NHSL2: variants seen among roughly 807,000 people sequenced by gnomAD.
NHSL2 encodes NHS like 2.
A neutral mutation model predicts 53.4 loss-of-function variants in NHSL2; 27 were observed. That is an observed-to-expected ratio of 0.51 (90% CI 0.37 to 0.70). The LOEUF (loss-of-function observed/expected upper bound fraction) is 0.70. NHSL2 is among the 30% of genes least tolerant of loss of function. The probability of loss-of-function intolerance (pLI) is 0.00; values close to 1 mark genes in which losing one functional copy is unlikely to be tolerated. For missense variants in NHSL2, 892 were observed against 980.1 expected, an observed-to-expected ratio of 0.91 and a Z score of 1.20; for synonymous variants, 408 against 404.1, an observed-to-expected ratio of 1.01 and a Z score of -0.12.
At chrX:71,976,377 G>A (rs2041948268) in intron 1 of NHSL2, among the ~76,000 whole-genome samples, 1 of 111,773 alleles carries the variant, frequency 8.9e-6, no homozygotes, top group South Asian at 3.7e-4. Flanking sequence ...TAGTAAGCCT[G>A]TTGTGAGGAC....
intron 1 of NHSL2, among the ~76,000 whole-genome samples, chrX:72,117,821 TA>T (rs1277006547): frequency 1.1e-4 from 11 of 102,424 alleles, no homozygotes; most frequent in African/African-American, 3.9e-4. Flanking sequence ...ACCACATTTT[TA>T]TTTATTTATT....
intron 1 of NHSL2, among the ~76,000 whole-genome samples, chrX:71,954,494 C>T (rs1232811465): frequency 8.9e-6 from 1 of 112,367 alleles, no homozygotes; most frequent in Admixed American, 9.4e-5. Flanking sequence ...CAACAATGAG[C>T]TCAAGGGGAA....
At chrX:72,086,238 A>T (rs1394568915) in intron 1 of NHSL2, among the ~76,000 whole-genome samples, 1 of 112,439 alleles carries the variant, frequency 8.9e-6, no homozygotes, top group African/African-American at 3.2e-5. Flanking sequence ...GACCCTAATT[A>T]AAAATTTCCT....
chrX:72,131,003 G>A (rs1218947293), intron 1 of NHSL2: 1 of 1,211,232 alleles, frequency 8.3e-7, no homozygotes, highest in Admixed American at 2.2e-5. Flanking sequence ...CCGGGGAAAT[G>A]AACCTCATGG....
chrX:71,936,649 G>A (rs2041739931), intron 1 of NHSL2, among the ~76,000 whole-genome samples: 1 of 112,333 alleles, frequency 8.9e-6, no homozygotes, highest in Non-Finnish European at 1.9e-5. Flanking sequence ...AAACAAAACA[G>A]AAACTTTAAA....
intron 1 of NHSL2, among the ~76,000 whole-genome samples, chrX:71,999,280 T>C: frequency 8.9e-6 from 1 of 112,523 alleles, no homozygotes; most frequent in Admixed American, 9.4e-5. Flanking sequence ...TGTGTTTTGG[T>C]CATCTCTATA....
At chrX:72,107,452 T>C (rs1355779049) in intron 1 of NHSL2, among the ~76,000 whole-genome samples, 1 of 111,865 alleles carries the variant, frequency 8.9e-6, no homozygotes, top group African/African-American at 3.3e-5. Context: ...CCATTTAGCC[T>C]GCTTCTCTCT....
intron 1 of NHSL2, among the ~76,000 whole-genome samples, chrX:72,089,857 C>CA (rs202226560): frequency 8.6e-4 from 90 of 105,144 alleles, no homozygotes; most frequent in African/African-American, 2.6e-3. Context: ...ACTTATTGTA[C>CA]AAAAAAAAAA....
intron 1 of NHSL2, among the ~76,000 whole-genome samples, chrX:71,976,557 C>A (rs1341825076): frequency 1.8e-5 from 2 of 111,787 alleles, no homozygotes; most frequent in Non-Finnish European, 3.8e-5. Flanking sequence ...CCACACTAGG[C>A]TCCTGTCTTA....
Position 72,152,267 on chromosome X carries a change from G to C in NHSL2, c.*8693G>C, listed in dbSNP as rs1015762162. On this transcript the variant is annotated 3_prime_UTR_variant, in exon 8 of 8. Transcript: ENST00000633930. ...GTTGTGGGATAAGAATGGATGATATGTATGTGTCTGTGTGAGTTTGGTTTC... is the reference window on the plus strand; with the variant it reads ...GTTGTGGGATAAGAATGGATGATATCTATGTGTCTGTGTGAGTTTGGTTTC... The C allele has an allele frequency of 8.9e-6, 1 of 112,957 alleles. No individual in the cohort carries two copies. Among genetic ancestry groups the C allele is most frequent in the African/African-American group, 3.2e-5 (1 of 30,978 alleles). 9.3% of individuals were successfully genotyped at this position (112,957 alleles called of 1,213,427 possible). A position where few individuals can be genotyped will look rare whatever the true frequency, so the allele number is the denominator to read the frequency against.
chrX:72,008,089 A>G (rs1434239018), intron 1 of NHSL2, among the ~76,000 whole-genome samples: 1 of 113,057 alleles, frequency 8.8e-6, no homozygotes, highest in Admixed American at 9.3e-5. Flanking sequence ...CTTTCAGCCT[A>G]TGGGGCCAAG....
intron 1 of NHSL2, among the ~76,000 whole-genome samples, chrX:72,076,615 C>T (rs193160204): frequency 1.4e-4 from 16 of 111,710 alleles, no homozygotes; most frequent in Non-Finnish European, 2.8e-4. Flanking sequence ...CTGGGAGAAA[C>T]CAGACAAGGC....
chrX:71,936,941 T>C, intron 1 of NHSL2, among the ~76,000 whole-genome samples: 1 of 112,110 alleles, frequency 8.9e-6, no homozygotes, highest in Admixed American at 9.4e-5. Context: ...ACTCATAGGA[T>C]GCAGACAGCA....
chrX:72,035,476 A>G lies in NHSL2; in HGVS notation c.281-96603A>G, dbSNP rs186910683. ...AAGTGGAGTGTTGAAGAACCCAACT[A>G]TAATTGTGGATTCATCAATTTGTCC... is the stretch of plus-strand genomic sequence containing the variant. On this transcript the variant is annotated intron_variant, in intron 1 of 7. Transcript: ENST00000633930. Among the ~76,000 whole-genome samples, 525 of 111,884 alleles carry G rather than the reference A, an allele frequency of 4.7e-3. 3 individuals are homozygous for G. Among genetic ancestry groups the G allele is most frequent in the African/African-American group, 0.016 (495 of 30,799 alleles).
chrX:72,015,066 A>T (rs1017931187), intron 1 of NHSL2, among the ~76,000 whole-genome samples: 5 of 111,366 alleles, frequency 4.5e-5, no homozygotes, highest in Non-Finnish European at 9.4e-5. Context: ...CATGATTTTT[A>T]AAAAATCTGC....
At chrX:72,021,832 C>G (rs1391742472) in intron 1 of NHSL2, among the ~76,000 whole-genome samples, 2 of 111,574 alleles carry the variant, frequency 1.8e-5, no homozygotes, top group Non-Finnish European at 3.8e-5. Context: ...AACTTCTGAG[C>G]CTGACAGCCA....
At chrX:71,977,275 C>T (rs2147863700) in intron 1 of NHSL2, among the ~76,000 whole-genome samples, 1 of 112,035 alleles carries the variant, frequency 8.9e-6, no homozygotes, top group African/African-American at 3.2e-5. Context: ...ATAACACCTA[C>T]CTCACAGGGT....
At chrX:72,079,481 C>G (rs1336418768) in intron 1 of NHSL2, among the ~76,000 whole-genome samples, 1 of 112,146 alleles carries the variant, frequency 8.9e-6, no homozygotes, top group Non-Finnish European at 1.9e-5. Flanking sequence ...CCTCAGTTTC[C>G]TCCTGGATTA....
intron 1 of NHSL2, among the ~76,000 whole-genome samples, chrX:72,040,349 G>A (rs1016356998): frequency 1.8e-5 from 2 of 112,023 alleles, no homozygotes; most frequent in Non-Finnish European, 3.8e-5. Context: ...ACTAACAAAC[G>A]GCCCTAACAC....
Sources: allele counts gnomAD v4.1 joint callset (sites outside exome capture counted in the v4.1 genomes callset), GRCh38; gene constraint gnomAD v4.1.1; transcripts MANE v1.5; gene names NCBI Gene and HGNC (gene_info 2026-07-23, HGNC 2026-07-21).